KPNA5: variants seen among roughly 807,000 people sequenced by gnomAD.
KPNA5 encodes the protein karyopherin subunit alpha 5, also known as importin subunit alpha-6.
KPNA5 carries 46 observed loss-of-function variants against 71.3 expected under a neutral mutation model. That is an observed-to-expected ratio of 0.65 (90% CI 0.51 to 0.83). KPNA5 has a LOEUF of 0.83. Ranked by LOEUF, KPNA5 falls within the 40% of genes least tolerant of loss-of-function variation. The pLI, the probability that KPNA5 is intolerant of heterozygous loss-of-function variation, is 0.00. For synonymous variants in KPNA5, 207 were observed against 201.4 expected (o/e 1.03, Z -0.24); for missense variants, 547 against 628.3 (o/e 0.87, Z 1.38).
chr6:116,712,471 A>G (rs1381764078), intron 7 of KPNA5, among the ~76,000 whole-genome samples: 1 of 152,190 alleles, frequency 6.6e-6, no homozygotes, highest in Non-Finnish European at 1.5e-5. Flanking sequence ...TATGTCTTTG[A>G]TTCTAAAATG....
At chr6:116,728,935 T>C (rs1386746453) in intron 12 of KPNA5, among the ~76,000 whole-genome samples, 1 of 152,108 alleles carries the variant, frequency 6.6e-6, no homozygotes, top group Non-Finnish European at 1.5e-5. Context: ...AGCCAATAAC[T>C]AGAAAAGGAC....
chr6:116,686,237 T>G (rs1274164889), intron 1 of KPNA5, among the ~76,000 whole-genome samples: 1 of 152,186 alleles, frequency 6.6e-6, no homozygotes, highest in Non-Finnish European at 1.5e-5. Context: ...CTTTTAATAA[T>G]AGCCATTCTG....
chr6:116,737,734 C>A lies in KPNA5; in HGVS notation c.*5411C>A, dbSNP rs1285426190. 4 of 151,868 alleles carry A rather than the reference C, an allele frequency of 2.6e-5. No individual in the cohort carries two copies. The highest frequency in any genetic ancestry group is 5.9e-5 in the Non-Finnish European group (4 of 67,910). The allele number at this position is 151,868 out of a possible 1,614,324, so 9.4% of individuals were successfully genotyped here. On this transcript the variant is annotated 3_prime_UTR_variant, in exon 14 of 14. Coordinates refer to ENST00000368564, the MANE Select transcript of KPNA5 (RefSeq NM_001366306.2). ...TTGGCTTAAAGCAGAAGTTAGCATA[C>A]CAATCTATGTTCTTTTTAAAATCTC...
chr6:116,714,292 C>G (rs1778808050), intron 7 of KPNA5, among the ~76,000 whole-genome samples: 1 of 152,178 alleles, frequency 6.6e-6, no homozygotes, highest in African/African-American at 2.4e-5. Flanking sequence ...TCTGAAATCT[C>G]TTTTCCCTTA....
At chr6:116,730,704 T>G (rs887502645) in intron 13 of KPNA5, among the ~76,000 whole-genome samples, 1 of 152,174 alleles carries the variant, frequency 6.6e-6, no homozygotes, top group African/African-American at 2.4e-5. Context: ...TTGTTTATTT[T>G]GTGGACTCAG....
Position 116,698,123 on chromosome 6 carries a change from A to G in KPNA5, c.341-581A>G, listed in dbSNP as rs1433987429. On this transcript the variant is annotated intron_variant, in intron 4 of 13. Coordinates refer to ENST00000368564, the MANE Select transcript of KPNA5 (RefSeq NM_001366306.2). The stretch of plus-strand genomic sequence containing the variant: ...AGAGGAAAGAGTTCTTTATACTTAG[A>G]TGACCAGTACCTGAAATGTCTTTGT... Among the ~76,000 whole-genome samples the G allele has an allele frequency of 2.0e-5, 3 of 152,126 alleles. No homozygotes were observed. In the East Asian group the frequency reaches 5.8e-4, roughly 29 times the overall value.
Position 116,739,238 on chromosome 6 carries a change from C to T in KPNA5, c.*6915C>T, listed in dbSNP as rs1252802127. 1 of 152,142 alleles carries T rather than the reference C, an allele frequency of 6.6e-6. No individual in the cohort carries two copies. The highest frequency in any genetic ancestry group is 1.5e-5 in the Non-Finnish European group (1 of 68,036). The allele number at this position is 152,142 out of a possible 1,614,324, so 9.4% of individuals were successfully genotyped here. A position where few individuals can be genotyped will look rare whatever the true frequency, so the allele number is the denominator to read the frequency against. On this transcript the variant is annotated 3_prime_UTR_variant, in exon 14 of 14. Transcript: ENST00000368564. ...CAAACAGCCAAATCATGAGTGAACT[C>T]CCATTCACAATTGCTTCAAAGAGAA...
intron 10 of KPNA5, among the ~76,000 whole-genome samples, chr6:116,724,886 C>CT (rs1188575377): frequency 6.6e-6 from 1 of 152,142 alleles, no homozygotes; most frequent in Non-Finnish European, 1.5e-5. Context: ...AAGCGTTAGA[C>CT]TTACAGGCAT....
chr6:116,720,103 G>A (rs1779046658), intron 8 of KPNA5, among the ~76,000 whole-genome samples: 1 of 152,108 alleles, frequency 6.6e-6, no homozygotes, highest in Non-Finnish European at 1.5e-5. Context: ...TTTGTAGTAG[G>A]GACCCAAAGT....
intron 12 of KPNA5, 42 bp downstream of exon 12, chr6:116,726,664 G>A: frequency 6.9e-7 from 1 of 1,439,762 alleles, no homozygotes; most frequent in Non-Finnish European, 9.3e-7. Context: ...ATGTAAATGA[G>A]ACAAAAGTTG....
chr6:116,732,851 A>G lies in KPNA5; in HGVS notation c.*528A>G, dbSNP rs957306266. The G allele has an allele frequency of 2.0e-5, 3 of 151,964 alleles. No homozygotes were observed. The highest frequency in any genetic ancestry group is 6.6e-5 in the Admixed American group (1 of 15,222). 9.4% of individuals were successfully genotyped at this position (151,964 alleles called of 1,614,324 possible). The stretch of plus-strand genomic sequence containing the variant: ...AAATATTTATTACCTTAAATTATAC[A>G]TATCACTGTGCTGTAGGTTATACTT... On this transcript the variant is annotated 3_prime_UTR_variant, in exon 14 of 14. Coordinates refer to ENST00000368564, the MANE Select transcript of KPNA5 (RefSeq NM_001366306.2).
chr6:116,725,901 T>A, intron 11 of KPNA5, 25 bp downstream of exon 11: 1 of 1,604,500 alleles, frequency 6.2e-7, no homozygotes, highest in Non-Finnish European at 8.5e-7. Context: ...GATCTGAGAG[T>A]AGAACAGCAA....
In KPNA5 at chr6:116,711,270, T is replaced by TG. The variant is rs1229124391; in HGVS notation, c.657-4946dup. ...GTTTTTGTTGATTTTTTTTTTTTTTTGGGTCAAAGAACTGCCTTTTTGTTT... is the reference window on the plus strand; with the variant it reads ...GTTTTTGTTGATTTTTTTTTTTTTTTGGGGTCAAAGAACTGCCTTTTTGTTT... On this transcript the variant is annotated intron_variant, in intron 7 of 13. Coordinates refer to ENST00000368564, the MANE Select transcript of KPNA5 (RefSeq NM_001366306.2). Among the ~76,000 whole-genome samples the TG allele has an allele frequency of 1.3e-4, 19 of 143,284 alleles. 1 individual carries two copies. The South Asian group carries it at 4.3e-3, about 32-fold the overall frequency. The allele number at this position is 143,284 out of a possible 152,430, so 94.0% of individuals were successfully genotyped here.
chr6:116,702,067 C>CA lies in KPNA5; in HGVS notation c.485dup (p.His162GlnfsTer7). 6.2e-7 allele frequency: 1 copy of CA among 1,613,662 alleles called. No individual in the cohort carries two copies. The highest frequency in any genetic ancestry group is 8.5e-7 in the Non-Finnish European group (1 of 1,179,754). ...AAATATAGCATCTGGAACTTTTCTGCATACCAAGGTAGTGATTGAAACTGG... is the reference window on the plus strand; with the variant it reads ...AAATATAGCATCTGGAACTTTTCTGCAATACCAAGGTAGTGATTGAAACTGG... On this transcript the variant is annotated frameshift_variant, in exon 6 of 14. Coordinates refer to ENST00000368564, the MANE Select transcript of KPNA5 (RefSeq NM_001366306.2). LOFTEE classifies it high-confidence loss of function.
At position 116,736,521 on chromosome 6, in the gene KPNA5, A is replaced by C. The variant is rs920985435; in HGVS notation, c.*4198A>C. ...AGTGCTCAGTAGGGAGTGCAGGGCT[A>C]CAGTATGTTTTTTAAATCACGTGAG... On this transcript the variant is annotated 3_prime_UTR_variant, in exon 14 of 14. Coordinates refer to ENST00000368564, the MANE Select transcript of KPNA5 (RefSeq NM_001366306.2). 1.3e-5 allele frequency: 2 copies of C among 152,024 alleles called. No homozygotes were observed. The highest frequency in any genetic ancestry group is 4.8e-5 in the African/African-American group (2 of 41,440). 9.4% of individuals were successfully genotyped at this position (152,024 alleles called of 1,614,324 possible). A position where few individuals can be genotyped will look rare whatever the true frequency, so the allele number is the denominator to read the frequency against.
At position 116,740,705 on chromosome 6, in the gene KPNA5, GA is replaced by G. The variant is rs1219005451; in HGVS notation, c.*8385del. On this transcript the variant is annotated 3_prime_UTR_variant, in exon 14 of 14. Transcript: ENST00000368564. Reference sequence around the variant, plus strand: ...TCATGTCCTTTGTAGGGACATGGATGAAATTGGAAATCATCCTTCTCAGTAA... The same window carrying G: ...TCATGTCCTTTGTAGGGACATGGATGAATTGGAAATCATCCTTCTCAGTAA... 1 of 152,146 alleles carries G rather than the reference GA, an allele frequency of 6.6e-6. No individual in the cohort carries two copies. The highest frequency in any genetic ancestry group is 1.5e-5 in the Non-Finnish European group (1 of 68,042). The allele number at this position is 152,146 out of a possible 1,614,324, so 9.4% of individuals were successfully genotyped here. A position where few individuals can be genotyped will look rare whatever the true frequency, so the allele number is the denominator to read the frequency against.
intron 1 of KPNA5, among the ~76,000 whole-genome samples, chr6:116,685,020 T>C (rs1777515862): frequency 1.3e-5 from 2 of 152,240 alleles, no homozygotes; most frequent in South Asian, 4.1e-4. Context: ...ATCCGTCAGT[T>C]CTACTCCTAG....
chr6:116,733,385 T>A lies in KPNA5; in HGVS notation c.*1062T>A, dbSNP rs1779563100. 1 of 151,698 alleles carries A rather than the reference T, an allele frequency of 6.6e-6. No individual in the cohort carries two copies. Among genetic ancestry groups the A allele is most frequent in the Admixed American group, 6.6e-5 (1 of 15,186 alleles). The allele number at this position is 151,698 out of a possible 1,614,324, so 9.4% of individuals were successfully genotyped here. ...CATTTAACATTTGGATGCTAAATGA[T>A]AATGAAAATTGCTAAAGGTTCTTTA... On this transcript the variant is annotated 3_prime_UTR_variant, in exon 14 of 14. Transcript: ENST00000368564.
chr6:116,733,890 A>G lies in KPNA5; in HGVS notation c.*1567A>G, dbSNP rs1023141963. The G allele has an allele frequency of 6.6e-6, 1 of 151,764 alleles. No homozygotes were observed. The highest frequency in any genetic ancestry group is 1.5e-5 in the Non-Finnish European group (1 of 67,762). The allele number at this position is 151,764 out of a possible 1,614,324, so 9.4% of individuals were successfully genotyped here. On this transcript the variant is annotated 3_prime_UTR_variant, in exon 14 of 14. Transcript: ENST00000368564. ...GTATATAGGAGTACTTTTAAAGAATATGTCACTTTGTAAATTACATATCAT... is the reference window on the plus strand; with the variant it reads ...GTATATAGGAGTACTTTTAAAGAATGTGTCACTTTGTAAATTACATATCAT...
Sources: gnomAD v4.1 joint callset for allele counts (sites outside exome capture counted in the v4.1 genomes callset) on GRCh38, gnomAD v4.1.1 for gene constraint, MANE v1.5 for transcripts, NCBI Gene and HGNC (gene_info 2026-07-23, HGNC 2026-07-21) for gene names.